IL1RAPL1: variants seen among roughly 807,000 people sequenced by gnomAD.
IL1RAPL1 encodes interleukin-1 receptor accessory protein-like 1.
Under a neutral mutation model 48.4 loss-of-function variants are expected in IL1RAPL1, and 3 were observed. The observed-to-expected ratio is 0.06, with a 90% CI of 0.03 to 0.16. The LOEUF is 0.16. Ranked by LOEUF, IL1RAPL1 falls within the 10% of genes least tolerant of loss-of-function variation. The pLI, the probability that IL1RAPL1 is intolerant of heterozygous loss-of-function variation, is 1.00. For missense variants in IL1RAPL1, 349 were observed against 530.6 expected (o/e 0.66, Z 3.36); for synonymous variants, 185 against 187.7 (o/e 0.99, Z 0.12).
intron 2 of IL1RAPL1, among the ~76,000 whole-genome samples, chrX:29,229,403 T>A (rs5943488): frequency 0.033 from 3,438 of 105,327 alleles, 51 homozygotes; most frequent in Middle Eastern, 0.093. Flanking sequence ...TGATAATTTT[T>A]AAAAAAAAAA....
rs144464380 is a variant in IL1RAPL1 at position 29,539,048 on chromosome X, A to G, written c.704-129382A>G. 4.5e-3 allele frequency among the ~76,000 whole-genome samples: 505 copies of G among 111,420 alleles called. 4 individuals carry two copies. Among genetic ancestry groups the G allele is most frequent in the African/African-American group, 0.016 (475 of 30,603 alleles). On this transcript the variant is annotated intron_variant, in intron 5 of 10. Coordinates refer to ENST00000378993, the MANE Select transcript of IL1RAPL1 (RefSeq NM_014271.4). ...AGGAGGAAGCATTCCTCCGTAACTC[A>G]TTCTATGAAGCAAGCATCATCCTGA...
intron 1 of IL1RAPL1, among the ~76,000 whole-genome samples, chrX:28,701,558 T>C (rs1935297645): frequency 8.9e-6 from 1 of 112,193 alleles, no homozygotes; most frequent in Non-Finnish European, 1.9e-5. Flanking sequence ...AAGAAAGTTG[T>C]TATACACCTA....
intron 2 of IL1RAPL1, among the ~76,000 whole-genome samples, chrX:29,083,140 A>T (rs1349245415): frequency 1.8e-5 from 2 of 111,756 alleles, no homozygotes; most frequent in African/African-American, 3.3e-5. Context: ...GGAAACTGGA[A>T]AGTATGTAGG....
chrX:29,779,448 A>AG (rs759096809), intron 6 of IL1RAPL1, among the ~76,000 whole-genome samples: 2 of 111,108 alleles, frequency 1.8e-5, no homozygotes, highest in Admixed American at 9.6e-5. Context: ...CCTATTTGAG[A>AG]GGGGAGGGAG....
intron 2 of IL1RAPL1, among the ~76,000 whole-genome samples, chrX:29,149,763 C>T (rs920837522): frequency 6.3e-5 from 7 of 111,856 alleles, no homozygotes; most frequent in South Asian, 3.8e-4. Context: ...CACTCAATCC[C>T]AGAAGATTGA....
At chrX:28,661,786 T>C (rs1399879961) in intron 1 of IL1RAPL1, among the ~76,000 whole-genome samples, 1 of 112,128 alleles carries the variant, frequency 8.9e-6, no homozygotes, top group Non-Finnish European at 1.9e-5. Context: ...AAGAACACTC[T>C]ATATTCCATA....
At chrX:28,657,189 T>C (rs2146906938) in intron 1 of IL1RAPL1, among the ~76,000 whole-genome samples, 1 of 111,871 alleles carries the variant, frequency 8.9e-6, no homozygotes, top group Non-Finnish European at 1.9e-5. Context: ...ACATTGATAA[T>C]ATGGGGTGTG....
At chrX:29,662,961 G>T (rs1232932510) in intron 5 of IL1RAPL1, among the ~76,000 whole-genome samples, 1 of 111,953 alleles carries the variant, frequency 8.9e-6, no homozygotes, top group Non-Finnish European at 1.9e-5. Flanking sequence ...GTGAAAAATA[G>T]AGCACCCCTT....
intron 6 of IL1RAPL1, among the ~76,000 whole-genome samples, chrX:29,701,084 A>G (rs972312256): frequency 8.9e-6 from 1 of 111,934 alleles, no homozygotes; most frequent in Non-Finnish European, 1.9e-5. Flanking sequence ...CCAAATTTTC[A>G]ATCAATTGTT....
Position 29,363,354 on chromosome X carries a change from G to A in IL1RAPL1, c.363-32904G>A, listed in dbSNP as rs1018548379. Among the ~76,000 whole-genome samples the A allele has an allele frequency of 2.7e-5, 3 of 111,297 alleles. No individual in the cohort carries two copies. In the Admixed American group the frequency reaches 2.9e-4, roughly 11 times the overall value. On this transcript the variant is annotated intron_variant, in intron 3 of 10. Transcript: ENST00000378993. ...CATTGTACAACTCCTCATATCCCCT[G>A]TCATATCTATTTTTAAGTACTATCA...
intron 6 of IL1RAPL1, among the ~76,000 whole-genome samples, chrX:29,916,578 A>G (rs1158174486): frequency 2.7e-5 from 3 of 111,494 alleles, no homozygotes; most frequent in African/African-American, 9.8e-5. Context: ...TTCTGGTTCC[A>G]TTTAGCGGTA....
chrX:29,931,351 T>C (rs919120806), intron 8 of IL1RAPL1, among the ~76,000 whole-genome samples: 3 of 111,533 alleles, frequency 2.7e-5, no homozygotes, highest in African/African-American at 9.8e-5. Flanking sequence ...AACCAACATA[T>C]GATTTTTGCT....
intron 2 of IL1RAPL1, among the ~76,000 whole-genome samples, chrX:29,107,015 T>C (rs1459326521): frequency 1.8e-5 from 2 of 112,023 alleles, no homozygotes; most frequent in African/African-American, 6.5e-5. Context: ...GACCTCTTTT[T>C]CTATTCTTGA....
Position 28,665,783 on chromosome X carries a change from G to A in IL1RAPL1, c.-25+77736G>A, listed in dbSNP as rs769328315. Reference sequence around the variant, plus strand: ...TGGGATTACAAGCGTGAGCCACCATGCCCGGCTATAAGTGGTACTTTATAA... The same window carrying A: ...TGGGATTACAAGCGTGAGCCACCATACCCGGCTATAAGTGGTACTTTATAA... On this transcript the variant is annotated intron_variant, in intron 1 of 10. Coordinates refer to ENST00000378993, the MANE Select transcript of IL1RAPL1 (RefSeq NM_014271.4). Among the ~76,000 whole-genome samples the A allele has an allele frequency of 9.8e-5, 11 of 112,057 alleles. No homozygotes were observed. The South Asian group carries it at 1.5e-3, about 15-fold the overall frequency.
intron 1 of IL1RAPL1, among the ~76,000 whole-genome samples, chrX:28,771,942 A>AG (rs1936312682): frequency 9.2e-6 from 1 of 108,149 alleles, no homozygotes; most frequent in African/African-American, 3.3e-5. Context: ...CGTCTCAAAA[A>AG]AAAAAAAAAA....
chrX:29,645,323 G>A (rs1278796858), intron 5 of IL1RAPL1, among the ~76,000 whole-genome samples: 3 of 111,506 alleles, frequency 2.7e-5, no homozygotes, highest in Non-Finnish European at 5.6e-5. Context: ...AGCAATCAAA[G>A]CACTAGGTTA....
chrX:29,945,965 G>A lies in IL1RAPL1; in HGVS notation c.1201+4171G>A, dbSNP rs746622089. 2.2e-4 allele frequency among the ~76,000 whole-genome samples: 24 copies of A among 110,002 alleles called. No individual in the cohort carries two copies. The South Asian group carries it at 3.9e-3, about 18-fold the overall frequency. On this transcript the variant is annotated intron_variant, in intron 9 of 10. Transcript: ENST00000378993. The stretch of plus-strand genomic sequence containing the variant: ...CATTTCCAATTCCACAACACTCCCC[G>A]CCCATACTCATTCTTTGTCATCCTC...
chrX:29,944,773 A>G (rs1285518165), intron 9 of IL1RAPL1, among the ~76,000 whole-genome samples: 1 of 111,337 alleles, frequency 9.0e-6, no homozygotes, highest in East Asian at 2.8e-4. Context: ...CACTTGAGAT[A>G]CTACCACCTG....
intron 2 of IL1RAPL1, among the ~76,000 whole-genome samples, chrX:28,792,525 C>T (rs902280405): frequency 2.4e-5 from 2 of 84,804 alleles, no homozygotes; most frequent in Non-Finnish European, 4.8e-5. Flanking sequence ...CGTTGGCTCA[C>T]GCCTGTAATC....
Sources: gnomAD v4.1 joint callset for allele counts (sites outside exome capture counted in the v4.1 genomes callset) on GRCh38, gnomAD v4.1.1 for gene constraint, MANE v1.5 for transcripts, NCBI Gene and HGNC (gene_info 2026-07-23, HGNC 2026-07-21) for gene names.